SLCO6A1: variants seen among roughly 807,000 people sequenced by gnomAD.
The protein encoded by SLCO6A1 is solute carrier organic anion transporter family member 6A1.
In SLCO6A1, 65 loss-of-function variants were observed where a neutral mutation model predicts 72.7. That is an observed-to-expected ratio of 0.89 (90% CI 0.73 to 1.10). The LOEUF is 1.10. Ranked by LOEUF, SLCO6A1 falls within the 50% of genes least tolerant of loss-of-function variation. SLCO6A1 has a pLI of 0.00. For missense variants in SLCO6A1, 874 were observed against 872.6 expected, an observed-to-expected ratio of 1.00 and a Z score of -0.02; for synonymous variants, 314 against 298.2, an observed-to-expected ratio of 1.05 and a Z score of -0.55.
At chr5:102,421,890 A>G (rs1225910495) in intron 7 of SLCO6A1, among the ~76,000 whole-genome samples, 1 of 152,196 alleles carries the variant, frequency 6.6e-6, no homozygotes, top group Non-Finnish European at 1.5e-5. Flanking sequence ...GGCATTTGGC[A>G]GGTGTCCATC....
chr5:102,473,993 G>A (rs1751764621), intron 4 of SLCO6A1, among the ~76,000 whole-genome samples: 1 of 151,860 alleles, frequency 6.6e-6, no homozygotes, highest in Admixed American at 6.6e-5. Context: ...TTAGAATATT[G>A]TTAAAATGTT....
In SLCO6A1 at chr5:102,399,604, G is replaced by A; in HGVS notation, c.1765C>T (p.Leu589Phe). The A allele has an allele frequency of 1.9e-6, 3 of 1,601,978 alleles. No homozygotes were observed. Among genetic ancestry groups the A allele is most frequent in the Non-Finnish European group, 2.6e-6 (3 of 1,172,498 alleles). ...PLFIAFIFST[L>F]IFSGFSGVPI... The stretch of plus-strand genomic sequence containing the variant: ...ACACCAGAAAAACCAGAAAATATAA[G>A]TGTAGAAAAGATAAAAGCAATGAAC... The change falls in exon 10 of 14, where the codon CTT (leucine) becomes TTT (phenylalanine). Residue 589 changes from leucine (L) to phenylalanine (F), a missense_variant. Coordinates refer to ENST00000506729, the MANE Select transcript of SLCO6A1 (RefSeq NM_173488.5).
At chr5:102,433,797 G>A (rs1288146975) in intron 7 of SLCO6A1, among the ~76,000 whole-genome samples, 3 of 152,244 alleles carry the variant, frequency 2.0e-5, no homozygotes, top group Admixed American at 2.0e-4. Flanking sequence ...GCTGTGGCAG[G>A]GTGCTGGCAG....
chr5:102,417,402 C>T (rs1030929423), intron 8 of SLCO6A1, among the ~76,000 whole-genome samples: 1 of 151,546 alleles, frequency 6.6e-6, no homozygotes, highest in African/African-American at 2.4e-5. Flanking sequence ...TGTCCTATCT[C>T]TTTTTGTTCA....
chr5:102,484,176 C>A (rs543363940), intron 1 of SLCO6A1, among the ~76,000 whole-genome samples: 3 of 152,038 alleles, frequency 2.0e-5, no homozygotes, highest in African/African-American at 7.2e-5. Context: ...CTCTTTTTGT[C>A]GCTACATGCC....
intron 9 of SLCO6A1, among the ~76,000 whole-genome samples, chr5:102,404,706 G>A (rs999416137): frequency 2.6e-5 from 4 of 151,966 alleles, no homozygotes; most frequent in Admixed American, 1.3e-4. Context: ...TACTATAATG[G>A]ATTTATGTAC....
chr5:102,446,690 T>A (rs1026053778), intron 6 of SLCO6A1, among the ~76,000 whole-genome samples: 10 of 152,194 alleles, frequency 6.6e-5, no homozygotes, highest in African/African-American at 2.2e-4. Flanking sequence ...ATGTTGGTTA[T>A]GGGTTTGTAA....
intron 12 of SLCO6A1, among the ~76,000 whole-genome samples, chr5:102,379,452 G>A (rs1177787089): frequency 6.6e-6 from 1 of 152,126 alleles, no homozygotes; most frequent in Non-Finnish European, 1.5e-5. Context: ...TGTATAAGAT[G>A]TGAGATAGGG....
At chr5:102,486,806 C>T (rs1055377493) in intron 1 of SLCO6A1, among the ~76,000 whole-genome samples, 5 of 151,946 alleles carry the variant, frequency 3.3e-5, no homozygotes, top group Non-Finnish European at 5.9e-5. Context: ...GTGTAAATAT[C>T]GTTACAGAAA....
chr5:102,445,438 G>A (rs1750056455), intron 6 of SLCO6A1, among the ~76,000 whole-genome samples: 1 of 152,040 alleles, frequency 6.6e-6, no homozygotes, highest in African/African-American at 2.4e-5. Flanking sequence ...GTTGTTTGGG[G>A]TTGTTTTGCT....
At chr5:102,496,405 G>A (rs116801536) in intron 1 of SLCO6A1, among the ~76,000 whole-genome samples, 207 of 152,196 alleles carry the variant, frequency 1.4e-3, no homozygotes, top group African/African-American at 4.8e-3. Context: ...TTTTATGAAT[G>A]GAAGACTCAA....
At chr5:102,452,895 T>C (rs1750497005) in intron 6 of SLCO6A1, among the ~76,000 whole-genome samples, 1 of 152,200 alleles carries the variant, frequency 6.6e-6, no homozygotes, top group African/African-American at 2.4e-5. Context: ...CAAGAGTTTC[T>C]AAACAGCCAT....
At chr5:102,433,714 G>T (rs1452699112) in intron 7 of SLCO6A1, among the ~76,000 whole-genome samples, 1 of 152,146 alleles carries the variant, frequency 6.6e-6, no homozygotes, top group African/African-American at 2.4e-5. Context: ...TAGGGCAGTG[G>T]CAATGGGATC....
chr5:102,413,092 G>A lies in SLCO6A1; in HGVS notation c.1524C>T (p.Cys508=), dbSNP rs771500210. The A allele has an allele frequency of 7.6e-6, 12 of 1,571,106 alleles. No individual in the cohort carries two copies. Among genetic ancestry groups the A allele is most frequent in the Admixed American group, 3.8e-5 (2 of 52,148 alleles). ...ATATAGAAGAATAAATTGAAGATGA[G>A]CATCTACATTTTTCATTGCAAGGAG... The part of the protein sequence containing the change: ...LTAPCNEKCR[C]SSSIYSSICG... The change falls in exon 9 of 14, where the codon TGC becomes TGT. Residue 508 remains cysteine (C), a synonymous_variant. Coordinates refer to ENST00000506729, the MANE Select transcript of SLCO6A1 (RefSeq NM_173488.5).
Position 102,382,116 on chromosome 5 carries a change from G to A in SLCO6A1, c.2017+6572C>T, listed in dbSNP as rs554407580. ...GTCTATTTTTGCTTTTGTTGCCTATGCTTTTTACAGTTACATATATTACAT... is the reference window on the plus strand; with the variant it reads ...GTCTATTTTTGCTTTTGTTGCCTATACTTTTTACAGTTACATATATTACAT... On this transcript the variant is annotated intron_variant, in intron 12 of 13. Transcript: ENST00000506729. 2.0e-5 allele frequency among the ~76,000 whole-genome samples: 3 copies of A among 151,554 alleles called. No homozygotes were observed. The South Asian group carries it at 6.2e-4, about 32-fold the overall frequency.
intron 4 of SLCO6A1, among the ~76,000 whole-genome samples, chr5:102,462,349 G>A (rs961558849): frequency 5.3e-5 from 8 of 151,978 alleles, no homozygotes; most frequent in Admixed American, 2.0e-4. Flanking sequence ...TTCCATCAAA[G>A]TACCAAGATC....
At chr5:102,492,227 A>G (rs958109836) in intron 1 of SLCO6A1, among the ~76,000 whole-genome samples, 2 of 152,186 alleles carry the variant, frequency 1.3e-5, no homozygotes, top group African/African-American at 2.4e-5. Flanking sequence ...TCAGGACTCT[A>G]TTGGAAAGAA....
At chr5:102,428,979 G>C (rs1176855393) in intron 7 of SLCO6A1, among the ~76,000 whole-genome samples, 2 of 151,904 alleles carry the variant, frequency 1.3e-5, no homozygotes, top group African/African-American at 4.8e-5. Context: ...TGACTTTTTA[G>C]TAATAGCCAT....
intron 10 of SLCO6A1, among the ~76,000 whole-genome samples, chr5:102,396,016 C>A (rs1180184112): frequency 3.3e-5 from 5 of 151,930 alleles, no homozygotes; most frequent in African/African-American, 4.8e-5. Context: ...ATGGTAGTTT[C>A]TTTTGCTGTG....
Sources: gnomAD v4.1 joint callset for allele counts (sites outside exome capture counted in the v4.1 genomes callset) on GRCh38, gnomAD v4.1.1 for gene constraint, MANE v1.5 for transcripts, NCBI Gene and HGNC (gene_info 2026-07-23, HGNC 2026-07-21) for gene names.